The following PEX5 variants were observed in gnomAD, a reference collection of about 807,000 sequenced individuals.
The protein encoded by PEX5 is peroxisomal biogenesis factor 5, also known as PTS1 receptor.
Under a neutral mutation model 82.9 loss-of-function variants are expected in PEX5, and 52 were observed. That is an observed-to-expected ratio of 0.63 (90% CI 0.50 to 0.79). The LOEUF (loss-of-function observed/expected upper bound fraction) is 0.79, where lower values mean the gene tolerates loss of function less well. Ranked by LOEUF, PEX5 falls within the 30% of genes least tolerant of loss-of-function variation. The pLI is 0.00. For synonymous variants in PEX5, 300 were observed against 318.8 expected, an observed-to-expected ratio of 0.94 and a Z score of 0.63; for missense variants, 719 against 815.2, an observed-to-expected ratio of 0.88 and a Z score of 1.44.
intron 12 of PEX5, 39 bp from the exon 13 acceptor site, chr12:7,208,418 C>T (rs1339844343): frequency 4.7e-6 from 7 of 1,478,464 alleles, no homozygotes; most frequent in Non-Finnish European, 6.6e-6. Flanking sequence ...CAGTGTCAGT[C>T]ATTGCAGATA....
intron 12 of PEX5, 46 bp downstream of exon 12, chr12:7,208,126 A>G (rs369674564): frequency 5.6e-5 from 78 of 1,395,422 alleles, no homozygotes; most frequent in East Asian, 9.1e-5. Flanking sequence ...AAGGCTCTGC[A>G]TATAACCTTT....
rs1555176221 is a variant in PEX5 at position 7,197,418 on chromosome 12, T to TA, written c.449-1593_449-1592insA. On this transcript the variant is annotated intron_variant, in intron 5 of 15. Coordinates refer to ENST00000675855, the MANE Select transcript of PEX5 (RefSeq NM_001351132.2). ...TATATATATGTCATATACAATGTAATTATATGTCATATACAATGTAATTAT... is the reference window on the plus strand; with the variant it reads ...TATATATATGTCATATACAATGTAATATATATGTCATATACAATGTAATTAT... 8.7e-4 allele frequency among the ~76,000 whole-genome samples: 25 copies of TA among 28,890 alleles called. No individual in the cohort carries two copies. In the South Asian group the frequency reaches 0.011, roughly 13 times the overall value. 19.0% of individuals were successfully genotyped at this position (28,890 alleles called of 152,430 possible). A position where few individuals can be genotyped will look rare whatever the true frequency, so the allele number is the denominator to read the frequency against.
In PEX5 at chr12:7,210,648, T is replaced by G. The variant is rs984367386; in HGVS notation, c.*425T>G. On this transcript the variant is annotated 3_prime_UTR_variant, in exon 16 of 16. Transcript: ENST00000675855. The stretch of plus-strand genomic sequence containing the variant: ...TTCCTTGGGCAGTGTAAGTAGGAGG[T>G]TCATCTGCTGTGCGCCTCTAATGTC... The G allele has an allele frequency of 3.1e-6, 1 of 319,838 alleles. No individual in the cohort carries two copies. The highest frequency in any genetic ancestry group is 2.1e-5 in the African/African-American group (1 of 46,650). The allele number at this position is 319,838 out of a possible 1,614,324, so 19.8% of individuals were successfully genotyped here.
At chr12:7,213,542 G>C (rs900651054), downstream of PEX5, among the ~76,000 whole-genome samples, 9 of 145,612 alleles carry the variant, frequency 6.2e-5, no homozygotes, top group Admixed American at 2.8e-4. Flanking sequence ...GCTGAAACTG[G>C]ATCCCTTCCT....
At position 7,208,449 on chromosome 12, in the gene PEX5, T is replaced by C. The variant is rs1331454879; in HGVS notation, c.1182-8T>C. ...AGATATCAAGTCTGCCCATCCCTGA[T>C]CAAACAGGTGTCTGGAGCTAAAGCC... On this transcript the variant is annotated splice_region_variant and splice_polypyrimidine_tract_variant and intron_variant, in intron 12 of 15. Transcript: ENST00000675855. 2.6e-5 allele frequency: 42 copies of C among 1,610,416 alleles called. No homozygotes were observed. The highest frequency in any genetic ancestry group is 3.4e-5 in the Non-Finnish European group (40 of 1,176,906).
At position 7,201,832 on chromosome 12, in the gene PEX5, T is replaced by C. The variant is rs769790163; in HGVS notation, c.633T>C (p.Ala211=). The C allele has an allele frequency of 6.8e-6, 11 of 1,611,522 alleles. No homozygotes were observed. Among genetic ancestry groups the C allele is most frequent in the Middle Eastern group, 1.7e-4 (1 of 6,046 alleles). Residue 211 remains alanine, a synonymous_variant, in exon 7 of 16, where the codon GCT becomes GCC. Coordinates refer to ENST00000675855, the MANE Select transcript of PEX5 (RefSeq NM_001351132.2). ...FVAKVDDPKL[A]NSEFLKFVRQ... ...CCAAAGTGGATGACCCCAAATTGGCTAATTCTGAGGTGAGCCACATCCCTC... is the reference window on the plus strand; with the variant it reads ...CCAAAGTGGATGACCCCAAATTGGCCAATTCTGAGGTGAGCCACATCCCTC...
chr12:7,213,891 C>A (rs759269429), downstream of PEX5, among the ~76,000 whole-genome samples: 23 of 151,898 alleles, frequency 1.5e-4, 1 homozygote, highest in East Asian at 4.5e-3. Context: ...AAAAAAACAA[C>A]CCCATCAAAA....
Position 7,201,229 on chromosome 12 carries a change from G to A in PEX5, c.552-522G>A, listed in dbSNP as rs779727648. 2.4e-4 allele frequency among the ~76,000 whole-genome samples: 36 copies of A among 151,644 alleles called. 2 individuals are homozygous for A. In the Middle Eastern group the frequency reaches 0.014, roughly 58 times the overall value. ...TGTGCACATACATGTATATACACACGTATACATATGTAAACATGTAGATAC... is the reference window on the plus strand; with the variant it reads ...TGTGCACATACATGTATATACACACATATACATATGTAAACATGTAGATAC... On this transcript the variant is annotated intron_variant, in intron 6 of 15. Transcript: ENST00000675855.
intron 5 of PEX5, among the ~76,000 whole-genome samples, chr12:7,194,759 G>A (rs1941791365): frequency 6.6e-6 from 1 of 152,148 alleles, no homozygotes; most frequent in Non-Finnish European, 1.5e-5. Flanking sequence ...AGATAAACCT[G>A]CACTTTCATG....
intron 3 of PEX5, 151 bp from the exon 4 acceptor site, chr12:7,191,075 A>G (rs1223778518): frequency 8.3e-7 from 1 of 1,210,332 alleles, no homozygotes; most frequent in Non-Finnish European, 1.2e-6. Context: ...GTCCTTCTAA[A>G]TCTATGGAAA....
At chr12:7,215,812 T>G (rs1323282821), downstream of PEX5, among the ~76,000 whole-genome samples, 4 of 152,136 alleles carry the variant, frequency 2.6e-5, no homozygotes, top group Non-Finnish European at 4.4e-5. Flanking sequence ...CGGGATCATT[T>G]GTACACCAAA....
chr12:7,205,896 T>A (rs1232323526), intron 10 of PEX5, among the ~76,000 whole-genome samples: 2 of 152,218 alleles, frequency 1.3e-5, no homozygotes, highest in Non-Finnish European at 2.9e-5. Context: ...CAGGCCATCA[T>A]ATCTTAAGGA....
At chr12:7,208,425 G>T (rs1238645422) in intron 12 of PEX5, 32 bp from the exon 13 acceptor site, 4 of 1,530,406 alleles carry the variant, frequency 2.6e-6, no homozygotes, top group Non-Finnish European at 3.6e-6. Context: ...AGTCATTGCA[G>T]ATATCAAGTC....
In PEX5 at chr12:7,208,666, C is replaced by T. The variant is rs1945132114; in HGVS notation, c.1391C>T (p.Ser464Phe). The part of the protein sequence containing the change: ...PSKRILGSLL[S>F]DSLFLEVKEL... ...AAGCGTATCCTGGGATCTCTCTTGT[C>T]TGAGTGAGTATGAGGGGTTCCTAGG... is the stretch of plus-strand genomic sequence containing the variant. The change falls in exon 13 of 16, where the codon TCT becomes TTT. Residue 464 changes from serine (S) to phenylalanine (F), a missense_variant. By Grantham distance (155) the Ser-to-Phe change is radical (BLOSUM62 -2). Transcript: ENST00000675855. The T allele has an allele frequency of 6.2e-7, 1 of 1,610,598 alleles. No individual in the cohort carries two copies. Among genetic ancestry groups the T allele is most frequent in the Non-Finnish European group, 8.5e-7 (1 of 1,177,098 alleles).
intron 7 of PEX5, 149 bp downstream of exon 7, chr12:7,201,990 T>A: frequency 1.3e-6 from 1 of 753,052 alleles, no homozygotes; most frequent in Non-Finnish European, 2.3e-6. Flanking sequence ...CTTAAGATCC[T>A]GCCTCTTCCT....
chr12:7,209,695 T>G lies in PEX5; in HGVS notation c.1573T>G (p.Trp525Gly). 8.3e-7 allele frequency: 1 copy of G among 1,198,078 alleles called. No individual in the cohort carries two copies. The highest frequency in any genetic ancestry group is 1.1e-6 in the Non-Finnish European group (1 of 943,598). The allele number at this position is 1,198,078 out of a possible 1,614,324, so 74.2% of individuals were successfully genotyped here. A position where few individuals can be genotyped will look rare whatever the true frequency, so the allele number is the denominator to read the frequency against. ...LSVRPNDYLL[W>G]NKLGATLANG... ...ATCCCTATCCCAGGACTATTTGCTGTGGAATAAGCTAGGCGCCACCCTGGC... is the reference window on the plus strand; with the variant it reads ...ATCCCTATCCCAGGACTATTTGCTGGGGAATAAGCTAGGCGCCACCCTGGC... Residue 525 changes from tryptophan (W) to glycine (G), a missense_variant, in exon 15 of 16, where the codon TGG (tryptophan) becomes GGG (glycine). Transcript: ENST00000675855.
downstream of PEX5, among the ~76,000 whole-genome samples, chr12:7,213,825 C>T (rs1358142687): frequency 1.1e-4 from 16 of 150,544 alleles, no homozygotes; most frequent in Non-Finnish European, 1.9e-4. Context: ...GCAACCTACT[C>T]ATCTGACAAA....
At chr12:7,191,891 T>G (rs771895712) in intron 5 of PEX5, among the ~76,000 whole-genome samples, 191 bp downstream of exon 5, 1 of 152,350 alleles carries the variant, frequency 6.6e-6, no homozygotes, top group African/African-American at 2.4e-5. Context: ...GGACTGGGTT[T>G]GTACTGGATA....
chr12:7,190,820 T>A (rs1379000726), intron 2 of PEX5, 68 bp from the exon 3 acceptor site: 8 of 1,458,436 alleles, frequency 5.5e-6, no homozygotes, highest in Admixed American at 5.0e-5. Flanking sequence ...CTCAGATGCC[T>A]ATGGGCTTCA....
Sources: allele counts gnomAD v4.1 joint callset (sites outside exome capture counted in the v4.1 genomes callset), GRCh38; gene constraint gnomAD v4.1.1; transcripts MANE v1.5; gene names NCBI Gene and HGNC (gene_info 2026-07-23, HGNC 2026-07-21).